Variants in LHFPL6 observed in about 807,000 individuals in gnomAD.
LHFPL6 encodes the protein LHFPL tetraspan subfamily member 6 protein.
Under a neutral mutation model 20.6 loss-of-function variants are expected in LHFPL6, and 9 were observed. The ratio of observed to expected loss-of-function variants is 0.44; its 90% CI spans 0.26 to 0.76. LHFPL6 has a LOEUF of 0.76. Among genes scored for constraint, LHFPL6 ranks in the 30% least tolerant of loss-of-function variants. The pLI is 0.20. For missense variants in LHFPL6, 218 were observed against 253.5 expected (o/e 0.86, Z 0.95); for synonymous variants, 105 against 98.7 (o/e 1.06, Z -0.38).
chr13:39,584,187 C>T (rs933954452), intron 2 of LHFPL6, among the ~76,000 whole-genome samples: 1 of 152,172 alleles, frequency 6.6e-6, no homozygotes, highest in African/African-American at 2.4e-5. Flanking sequence ...AGCAATGTAT[C>T]TCCAAGGCCT....
intron 2 of LHFPL6, among the ~76,000 whole-genome samples, chr13:39,437,394 A>C (rs1229356710): frequency 6.6e-6 from 1 of 152,088 alleles, no homozygotes; most frequent in East Asian, 1.9e-4. Flanking sequence ...TGGTTGTTTA[A>C]AAGTATATAG....
At chr13:39,368,957 T>A (rs1870083834) in intron 3 of LHFPL6, among the ~76,000 whole-genome samples, 1 of 152,088 alleles carries the variant, frequency 6.6e-6, no homozygotes. Context: ...GCTGAAATGA[T>A]GGGAAAGAAT....
At chr13:39,425,052 C>T (rs754217007) in intron 2 of LHFPL6, among the ~76,000 whole-genome samples, 1 of 151,952 alleles carries the variant, frequency 6.6e-6, no homozygotes, top group Non-Finnish European at 1.5e-5. Flanking sequence ...CATTTGTAAC[C>T]CTCCCTTCCA....
At position 39,456,872 on chromosome 13, in the gene LHFPL6, C is replaced by T. The variant is rs572862014; in HGVS notation, c.386-78346G>A. Among the ~76,000 whole-genome samples the T allele has an allele frequency of 3.3e-5, 5 of 151,984 alleles. No homozygotes were observed. In the East Asian group the frequency reaches 9.7e-4, roughly 29 times the overall value. On this transcript the variant is annotated intron_variant, in intron 2 of 3. Transcript: ENST00000379589. The stretch of plus-strand genomic sequence containing the variant: ...AGTGCAATGGCGTGATCTCGGCTCA[C>T]TGCAAACTCCATCTCCCGGGTTCAA...
chr13:39,424,427 G>A (rs1043762293), intron 2 of LHFPL6, among the ~76,000 whole-genome samples: 1 of 152,178 alleles, frequency 6.6e-6, no homozygotes, highest in Non-Finnish European at 1.5e-5. Flanking sequence ...ATAGGTTATT[G>A]AATAAAGCTG....
intron 2 of LHFPL6, among the ~76,000 whole-genome samples, chr13:39,470,728 T>C (rs2138436342): frequency 6.6e-6 from 1 of 152,284 alleles, no homozygotes; most frequent in Non-Finnish European, 1.5e-5. Flanking sequence ...TCCAACAAAT[T>C]TCTGAATTTG....
At chr13:39,530,566 G>A (rs920469703) in intron 2 of LHFPL6, among the ~76,000 whole-genome samples, 1 of 152,082 alleles carries the variant, frequency 6.6e-6, no homozygotes, top group Non-Finnish European at 1.5e-5. Flanking sequence ...AATGAATAGT[G>A]TCACCCTGGA....
intron 2 of LHFPL6, among the ~76,000 whole-genome samples, chr13:39,459,472 C>A (rs560077565): frequency 5.9e-5 from 9 of 152,148 alleles, no homozygotes; most frequent in Non-Finnish European, 1.0e-4. Context: ...CAAGCGGTTC[C>A]ACCCTGCTCA....
chr13:39,553,676 C>T (rs924144907), intron 2 of LHFPL6, among the ~76,000 whole-genome samples: 12 of 152,300 alleles, frequency 7.9e-5, no homozygotes, highest in African/African-American at 2.6e-4. Flanking sequence ...TGCGCCACTG[C>T]GCTACAGCCT....
chr13:39,596,158 T>C (rs1426033269), intron 2 of LHFPL6, among the ~76,000 whole-genome samples: 2 of 152,116 alleles, frequency 1.3e-5, no homozygotes, highest in South Asian at 2.1e-4. Flanking sequence ...CTATATATAA[T>C]ATGCACTGAG....
chr13:39,480,945 C>T (rs1344797668), intron 2 of LHFPL6, among the ~76,000 whole-genome samples: 1 of 152,074 alleles, frequency 6.6e-6, no homozygotes, highest in Non-Finnish European at 1.5e-5. Flanking sequence ...TTCATAAGAA[C>T]AAAACACAAG....
intron 3 of LHFPL6, among the ~76,000 whole-genome samples, chr13:39,370,230 A>C (rs1050787573): frequency 6.6e-6 from 1 of 152,116 alleles, no homozygotes; most frequent in African/African-American, 2.4e-5. Context: ...GTTTCCCTGC[A>C]TCATTTGGAG....
chr13:39,562,163 T>C (rs551708972), intron 2 of LHFPL6, among the ~76,000 whole-genome samples: 1 of 152,220 alleles, frequency 6.6e-6, no homozygotes, highest in South Asian at 2.1e-4. Context: ...GAAGTGAATG[T>C]ACCCTTTCAT....
At position 39,378,673 on chromosome 13, in the gene LHFPL6, G is replaced by A. The variant is rs900033367; in HGVS notation, c.386-147C>T. The A allele has an allele frequency of 2.4e-5, 13 of 531,862 alleles. No individual in the cohort carries two copies. In the Admixed American group the frequency reaches 4.3e-4, roughly 18 times the overall value. The allele number at this position is 531,862 out of a possible 1,614,324, so 32.9% of individuals were successfully genotyped here. ...CCACAACTCTTTTAAGCAATCTAAG[G>A]TCAGTTTGACTCCAACAACAATTTC... On this transcript the variant is annotated intron_variant, in intron 2 of 3. Coordinates refer to ENST00000379589, the MANE Select transcript of LHFPL6 (RefSeq NM_005780.3).
intron 3 of LHFPL6, among the ~76,000 whole-genome samples, chr13:39,352,899 A>C (rs1869614401): frequency 2.9e-5 from 1 of 34,968 alleles, no homozygotes; most frequent in East Asian, 1.7e-3. Flanking sequence ...ATATGTGTAT[A>C]TATATATAAA....
At chr13:39,387,987 C>T (rs113254154) in intron 2 of LHFPL6, among the ~76,000 whole-genome samples, 2 of 152,110 alleles carry the variant, frequency 1.3e-5, no homozygotes, top group African/African-American at 4.8e-5. Flanking sequence ...CAGTTGTGAG[C>T]GCTGGCACAC....
At chr13:39,349,719 G>A (rs925277712) in intron 3 of LHFPL6, among the ~76,000 whole-genome samples, 1 of 152,242 alleles carries the variant, frequency 6.6e-6, no homozygotes, top group African/African-American at 2.4e-5. Context: ...GGTCAGGTCA[G>A]TGAAAGAGAG....
intron 2 of LHFPL6, among the ~76,000 whole-genome samples, chr13:39,579,437 C>T (rs1034409019): frequency 6.6e-6 from 1 of 152,188 alleles, no homozygotes; most frequent in African/African-American, 2.4e-5. Context: ...GAGGTATATA[C>T]TACATTAAGT....
At chr13:39,420,148 T>C (rs1159141084) in intron 2 of LHFPL6, among the ~76,000 whole-genome samples, 1 of 152,148 alleles carries the variant, frequency 6.6e-6, no homozygotes, top group Non-Finnish European at 1.5e-5. Context: ...CACAGCTCTT[T>C]TCCTAATTGA....
Sources: allele counts gnomAD v4.1 joint callset (sites outside exome capture counted in the v4.1 genomes callset), GRCh38; gene constraint gnomAD v4.1.1; transcripts MANE v1.5; gene names NCBI Gene and HGNC (gene_info 2026-07-23, HGNC 2026-07-21).